The following NALCN variants were observed in gnomAD, a reference collection of about 807,000 sequenced individuals.
NALCN encodes the protein sodium leak channel NALCN.
In NALCN, 111 loss-of-function variants were observed where a neutral mutation model predicts 225.3. That is an observed-to-expected ratio of 0.49 (90% CI 0.42 to 0.58). The LOEUF (loss-of-function observed/expected upper bound fraction) is 0.58. Ranked by LOEUF, NALCN falls within the 20% of genes least tolerant of loss-of-function variation. The pLI, the probability that NALCN is intolerant of heterozygous loss-of-function variation, is 0.00. For missense variants in NALCN, 1,378 were observed against 2,202.4 expected (o/e 0.63, Z 7.49); for synonymous variants, 764 against 769.0 (o/e 0.99, Z 0.11).
chr13:101,303,750 T>C (rs1016856257), intron 7 of NALCN, among the ~76,000 whole-genome samples: 3 of 152,160 alleles, frequency 2.0e-5, no homozygotes, highest in African/African-American at 7.2e-5. Context: ...ATTAGGCACA[T>C]TGGCAAGACG....
At chr13:101,329,753 CAT>C (rs2045091984) in intron 7 of NALCN, among the ~76,000 whole-genome samples, 1 of 151,934 alleles carries the variant, frequency 6.6e-6, no homozygotes, top group African/African-American at 2.4e-5. Flanking sequence ...AATATAAAAA[CAT>C]AGGCTGGACA....
chr13:101,397,570 TATAAC>T (rs1412892664), intron 2 of NALCN, among the ~76,000 whole-genome samples: 2 of 151,318 alleles, frequency 1.3e-5, no homozygotes, highest in Non-Finnish European at 2.9e-5. Flanking sequence ...TGTTAACACA[TATAAC>T]ATATATGTGT....
At chr13:101,337,324 T>TTTATTTA (rs1566590808) in intron 7 of NALCN, among the ~76,000 whole-genome samples, 2 of 123,346 alleles carry the variant, frequency 1.6e-5, no homozygotes, top group African/African-American at 7.3e-5. Flanking sequence ...TTATTTATTT[T>TTTATTTA]TTGAGACAGA....
chr13:101,194,886 C>G (rs1271744067), intron 13 of NALCN, among the ~76,000 whole-genome samples: 2 of 152,166 alleles, frequency 1.3e-5, no homozygotes, highest in East Asian at 1.9e-4. Context: ...CACCTGTAAT[C>G]CCAGCTACTC....
intron 37 of NALCN, among the ~76,000 whole-genome samples, chr13:101,071,938 T>C (rs1321695005): frequency 1.3e-5 from 2 of 152,158 alleles, no homozygotes; most frequent in Non-Finnish European, 2.9e-5. Flanking sequence ...CTAATGTCAA[T>C]ATTGTTGTGT....
chr13:101,335,242 T>C (rs150215407), intron 7 of NALCN, among the ~76,000 whole-genome samples: 7 of 152,338 alleles, frequency 4.6e-5, no homozygotes, highest in Admixed American at 1.3e-4. Context: ...TAAAAAGTCA[T>C]GCCTGCAATT....
At chr13:101,411,661 T>C (rs2047791195) in intron 1 of NALCN, among the ~76,000 whole-genome samples, 1 of 152,206 alleles carries the variant, frequency 6.6e-6, no homozygotes, top group Admixed American at 6.5e-5. Flanking sequence ...ATTATGCTTT[T>C]GACTGTGCAT....
chr13:101,293,390 A>C (rs1413919634), intron 7 of NALCN, among the ~76,000 whole-genome samples: 1 of 152,224 alleles, frequency 6.6e-6, no homozygotes, highest in African/African-American at 2.4e-5. Flanking sequence ...TAATTGCTCA[A>C]TATGCTTTTG....
intron 27 of NALCN, 133 bp from the exon 28 acceptor site, chr13:101,095,813 C>T: frequency 2.9e-6 from 2 of 686,282 alleles, no homozygotes; most frequent in Non-Finnish European, 4.9e-6. Flanking sequence ...ATGTGGACAG[C>T]TACCCAGCAA....
intron 13 of NALCN, among the ~76,000 whole-genome samples, chr13:101,207,851 A>C (rs1388261456): frequency 6.6e-6 from 1 of 152,206 alleles, no homozygotes; most frequent in Non-Finnish European, 1.5e-5. Flanking sequence ...TGCTCTTTGC[A>C]ATACATCTTG....
intron 7 of NALCN, among the ~76,000 whole-genome samples, chr13:101,324,925 C>G (rs1207083458): frequency 3.9e-5 from 6 of 152,062 alleles, no homozygotes; most frequent in Non-Finnish European, 7.4e-5. Context: ...TCACAAATAG[C>G]TCTTATTATT....
At chr13:101,360,231 C>CT (rs2046213812) in intron 6 of NALCN, among the ~76,000 whole-genome samples, 10 of 73,148 alleles carry the variant, frequency 1.4e-4, no homozygotes, top group African/African-American at 3.2e-4. Flanking sequence ...TCTCTCTCTC[C>CT]TTCCTTCCTT....
chr13:101,071,176 C>A (rs914629727), intron 37 of NALCN, among the ~76,000 whole-genome samples: 8 of 152,170 alleles, frequency 5.3e-5, no homozygotes, highest in African/African-American at 1.9e-4. Flanking sequence ...CACAGTCAAA[C>A]CATTGCAGGG....
intron 22 of NALCN, among the ~76,000 whole-genome samples, chr13:101,105,634 T>TA (rs11405672): frequency 0.58 from 88,434 of 151,890 alleles, 26,083 homozygotes; most frequent in South Asian, 0.71. Flanking sequence ...TAATTCAAGA[T>TA]AAAAAAAACG....
chr13:101,233,402 G>A (rs867347815), intron 12 of NALCN, among the ~76,000 whole-genome samples: 24 of 150,458 alleles, frequency 1.6e-4, no homozygotes, highest in African/African-American at 4.9e-4. Context: ...GAGCAGTGGC[G>A]CAATCTCAGC....
chr13:101,227,164 T>G (rs1237512525), intron 13 of NALCN, among the ~76,000 whole-genome samples: 1 of 152,174 alleles, frequency 6.6e-6, no homozygotes, highest in South Asian at 2.1e-4. Flanking sequence ...CCTCGACACC[T>G]GTCAGCTCAA....
rs1016235078 is a variant in NALCN, at chr13:101,256,799, T to C, written c.1266+1644A>G. 1.1e-3 allele frequency among the ~76,000 whole-genome samples: 164 copies of C among 146,730 alleles called. 1 individual carries two copies. The highest frequency in any genetic ancestry group is 7.2e-3 in the Middle Eastern group (2 of 276). On this transcript the variant is annotated intron_variant, in intron 11 of 43. Transcript: ENST00000251127. ...TTTTTTTTGAGATGGAGTCTCACTC[T>C]GTCACCCTGGCTGGAATTCAGTGGT... is the stretch of plus-strand genomic sequence containing the variant.
intron 6 of NALCN, among the ~76,000 whole-genome samples, chr13:101,360,550 T>C (rs919732146): frequency 1.3e-5 from 2 of 152,178 alleles, no homozygotes; most frequent in South Asian, 2.1e-4. Context: ...GGTATTTCTT[T>C]ATAGCAATGA....
chr13:101,352,445 T>TGA (rs200102499), intron 6 of NALCN, among the ~76,000 whole-genome samples: 5 of 151,888 alleles, frequency 3.3e-5, no homozygotes, highest in South Asian at 2.1e-4. Flanking sequence ...CATTTGCATA[T>TGA]GAGAGAGAGA....
Sources: gnomAD v4.1 joint callset for allele counts (sites outside exome capture counted in the v4.1 genomes callset) on GRCh38, gnomAD v4.1.1 for gene constraint, MANE v1.5 for transcripts, NCBI Gene and HGNC (gene_info 2026-07-23, HGNC 2026-07-21) for gene names.